SUPT3H: variants seen among roughly 807,000 people sequenced by gnomAD.
The protein encoded by SUPT3H is SPT3 homolog, SAGA and STAGA complex component.
SUPT3H carries 44 observed loss-of-function variants against 44.3 expected under a neutral mutation model. The ratio of observed to expected loss-of-function variants is 0.99; its 90% confidence interval spans 0.78 to 1.28. SUPT3H has a LOEUF of 1.28. SUPT3H is among the 50% of genes most tolerant of loss of function. The pLI is 0.00. For missense variants in SUPT3H, 380 were observed against 387.1 expected, an observed-to-expected ratio of 0.98 and a Z score of 0.15; for synonymous variants, 124 against 125.6, an observed-to-expected ratio of 0.99 and a Z score of 0.09.
rs113440942 is a variant in SUPT3H at position 44,971,458 on chromosome 6, C to T, written c.505-9630G>A. Among the ~76,000 whole-genome samples the T allele has an allele frequency of 9.0e-3, 1,368 of 152,248 alleles. 14 individuals are homozygous for T. The highest frequency in any genetic ancestry group is 0.028 in the South Asian group (137 of 4,816). On this transcript the variant is annotated intron_variant, in intron 6 of 10. Transcript: ENST00000371459. ...TGGCAGAAGGGGAAGCAAACACATC[C>T]TTCTTCACGTGATGGCAGGAAGGAG...
intron 10 of SUPT3H, among the ~76,000 whole-genome samples, chr6:44,914,989 C>T (rs1767596026): frequency 6.6e-6 from 1 of 152,164 alleles, no homozygotes; most frequent in South Asian, 2.1e-4. Flanking sequence ...GATCTGGACT[C>T]TTACTACCAT....
chr6:45,185,318 G>C (rs899143439), intron 2 of SUPT3H, among the ~76,000 whole-genome samples: 1 of 152,266 alleles, frequency 6.6e-6, no homozygotes, highest in South Asian at 2.1e-4. Flanking sequence ...CTGTACAAGT[G>C]GGGGCTAATT....
At chr6:45,025,598 A>T (rs1785847770) in intron 3 of SUPT3H, among the ~76,000 whole-genome samples, 1 of 152,172 alleles carries the variant, frequency 6.6e-6, no homozygotes, top group Non-Finnish European at 1.5e-5. Context: ...TGTACAACAG[A>T]ATTGGCCGGG....
chr6:45,356,758 G>C (rs1251386565), intron 2 of SUPT3H, among the ~76,000 whole-genome samples: 1 of 152,062 alleles, frequency 6.6e-6, no homozygotes, highest in Non-Finnish European at 1.5e-5. Context: ...CTCACATCTA[G>C]AGATAATCAA....
intron 10 of SUPT3H, among the ~76,000 whole-genome samples, chr6:44,843,925 ACG>A (rs1306079196): frequency 0.013 from 1,555 of 121,418 alleles, 36 homozygotes; most frequent in African/African-American, 0.043. Flanking sequence ...ACACACACAC[ACG>A]CACACACACA....
chr6:44,862,601 A>G (rs1260065335), intron 10 of SUPT3H, among the ~76,000 whole-genome samples: 1 of 150,876 alleles, frequency 6.6e-6, no homozygotes, highest in Non-Finnish European at 1.5e-5. Flanking sequence ...TTGCTTGAAC[A>G]AGGCGGGTGG....
intron 6 of SUPT3H, among the ~76,000 whole-genome samples, chr6:44,998,954 G>A (rs190884725): frequency 3.3e-5 from 5 of 151,740 alleles, no homozygotes; most frequent in Admixed American, 6.6e-5. Flanking sequence ...GACTTTTCTC[G>A]TTGTTACTAT....
At chr6:45,144,781 T>C (rs1260724163) in intron 2 of SUPT3H, among the ~76,000 whole-genome samples, 6 of 152,094 alleles carry the variant, frequency 3.9e-5, no homozygotes, top group Admixed American at 3.9e-4. Flanking sequence ...AAAAAGCTCC[T>C]AGATTTGATA....
intron 2 of SUPT3H, among the ~76,000 whole-genome samples, chr6:45,167,778 C>T (rs111967311): frequency 1.3e-3 from 201 of 151,556 alleles, no homozygotes; most frequent in African/African-American, 4.1e-3. Flanking sequence ...GTTTTGACTC[C>T]GATACTGGCA....
chr6:45,036,614 GA>G (rs1198290384), intron 3 of SUPT3H, among the ~76,000 whole-genome samples: 1 of 151,828 alleles, frequency 6.6e-6, no homozygotes, highest in Admixed American at 6.6e-5. Flanking sequence ...AGAAAATAAT[GA>G]AAAAATGCCT....
intron 2 of SUPT3H, among the ~76,000 whole-genome samples, chr6:45,233,016 C>G (rs925498117): frequency 1.3e-5 from 2 of 152,160 alleles, no homozygotes; most frequent in East Asian, 1.9e-4. Flanking sequence ...ATCATACTCT[C>G]TGTGTGCTAG....
At chr6:45,237,686 G>T (rs2153644827) in intron 2 of SUPT3H, among the ~76,000 whole-genome samples, 1 of 152,262 alleles carries the variant, frequency 6.6e-6, no homozygotes, top group South Asian at 2.1e-4. Context: ...AGCCAATTTG[G>T]ATAGAACAAT....
chr6:44,856,996 T>A (rs1021682326), intron 10 of SUPT3H, among the ~76,000 whole-genome samples: 2 of 152,194 alleles, frequency 1.3e-5, no homozygotes, highest in Admixed American at 6.5e-5. Flanking sequence ...GGGAAAGATA[T>A]ACATTTCAAT....
chr6:44,902,216 GAC>G (rs1765189602), intron 10 of SUPT3H, among the ~76,000 whole-genome samples: 3 of 152,116 alleles, frequency 2.0e-5, no homozygotes, highest in Admixed American at 1.3e-4. Flanking sequence ...CCAATTAAAA[GAC>G]ACAGACTGGC....
chr6:45,216,018 T>C (rs903472904), intron 2 of SUPT3H, among the ~76,000 whole-genome samples: 3 of 152,074 alleles, frequency 2.0e-5, no homozygotes, highest in African/African-American at 4.8e-5. Context: ...AGATGATACA[T>C]TGAAAGCGAT....
intron 2 of SUPT3H, among the ~76,000 whole-genome samples, chr6:45,168,462 G>A (rs1447293370): frequency 2.6e-5 from 4 of 152,046 alleles, no homozygotes; most frequent in African/African-American, 7.2e-5. Flanking sequence ...AAAGTAAGCT[G>A]TATCCCGACC....
At chr6:45,251,932 GA>G (rs1022493821) in intron 2 of SUPT3H, among the ~76,000 whole-genome samples, 2 of 151,328 alleles carry the variant, frequency 1.3e-5, no homozygotes, top group African/African-American at 4.9e-5. Flanking sequence ...AAGAAAAAAA[GA>G]AAAAAAACAT....
intron 2 of SUPT3H, among the ~76,000 whole-genome samples, chr6:45,206,325 T>C (rs1763217189): frequency 6.6e-6 from 1 of 152,036 alleles, no homozygotes; most frequent in African/African-American, 2.4e-5. Flanking sequence ...TGGCGATCAA[T>C]GAGGTCTTCA....
chr6:44,879,213 G>C (rs1248419903), intron 10 of SUPT3H, among the ~76,000 whole-genome samples: 1 of 152,204 alleles, frequency 6.6e-6, no homozygotes, highest in Non-Finnish European at 1.5e-5. Context: ...GTCTGAAGTC[G>C]AGCTGGGACA....
Sources: allele counts gnomAD v4.1 joint callset (sites outside exome capture counted in the v4.1 genomes callset), GRCh38; gene constraint gnomAD v4.1.1; transcripts MANE v1.5; gene names NCBI Gene and HGNC (gene_info 2026-07-23, HGNC 2026-07-21).